GALNT13: variants seen among roughly 807,000 people sequenced by gnomAD.
GALNT13 encodes UDP-GalNAc:polypeptide N-acetylgalactosaminyltransferase 13.
GALNT13 carries 28 observed loss-of-function variants against 64.2 expected under a neutral mutation model. The observed-to-expected ratio is 0.44, with a 90% CI of 0.32 to 0.60. GALNT13 has a LOEUF of 0.60. GALNT13 is among the 20% of genes least tolerant of loss of function. GALNT13 has a pLI of 0.05. For synonymous variants in GALNT13, 214 were observed against 224.6 expected (o/e 0.95, Z 0.42); for missense variants, 577 against 669.8 (o/e 0.86, Z 1.53).
chr2:154,232,181 C>T (rs1688952204), intron 4 of GALNT13, among the ~76,000 whole-genome samples: 1 of 152,026 alleles, frequency 6.6e-6, no homozygotes, highest in Non-Finnish European at 1.5e-5. Flanking sequence ...GCAATGCCTG[C>T]CTCACTGTGA....
chr2:153,946,452 T>TA (rs1338279400), intron 3 of GALNT13, among the ~76,000 whole-genome samples: 6 of 152,084 alleles, frequency 3.9e-5, no homozygotes, highest in Non-Finnish European at 8.8e-5. Context: ...TTCAGGTTGT[T>TA]AAAAAAATAT....
chr2:153,511,566 G>GAC, the GALNT13 span, among the ~76,000 whole-genome samples: 1 of 152,162 alleles, frequency 6.6e-6, no homozygotes, highest in South Asian at 2.1e-4. Context: ...AAAGTTATTG[G>GAC]ATCTTGACCA....
the GALNT13 span, among the ~76,000 whole-genome samples, chr2:153,247,303 G>A: frequency 1.3e-5 from 2 of 152,220 alleles, no homozygotes; most frequent in African/African-American, 2.4e-5. Flanking sequence ...GACACCTACA[G>A]AATTCTCCAC....
chr2:153,167,552 T>C, the GALNT13 span, among the ~76,000 whole-genome samples: 1 of 150,338 alleles, frequency 6.7e-6, no homozygotes, highest in Non-Finnish European at 1.5e-5. Context: ...TTTAAAATTT[T>C]GTGGCAGGCT....
At chr2:154,081,822 T>A (rs1701285290) in intron 3 of GALNT13, among the ~76,000 whole-genome samples, 1 of 151,772 alleles carries the variant, frequency 6.6e-6, no homozygotes, top group African/African-American at 2.4e-5. Context: ...GTAGCCTCAA[T>A]CTTTAATGGA....
the GALNT13 span, among the ~76,000 whole-genome samples, chr2:153,437,418 C>G: frequency 6.6e-6 from 1 of 152,240 alleles, no homozygotes; most frequent in East Asian, 1.9e-4. Flanking sequence ...CTAATGTTGA[C>G]AGTGGGGTGT....
chr2:153,747,514 G>A, the GALNT13 span, among the ~76,000 whole-genome samples: 2 of 139,024 alleles, frequency 1.4e-5, no homozygotes, highest in Non-Finnish European at 1.5e-5. Flanking sequence ...TGCAATCTCC[G>A]CCTTCTGGGT....
chr2:153,167,110 C>T, the GALNT13 span, among the ~76,000 whole-genome samples: 4 of 152,192 alleles, frequency 2.6e-5, no homozygotes, highest in Admixed American at 2.0e-4. Context: ...ATTTGTGGTA[C>T]ACCACAAATA....
chr2:153,785,966 C>G, the GALNT13 span, among the ~76,000 whole-genome samples: 1 of 151,742 alleles, frequency 6.6e-6, no homozygotes, highest in Non-Finnish European at 1.5e-5. Context: ...AGGGGAGACC[C>G]AACAAGCTCC....
chr2:153,253,330 C>A, the GALNT13 span, among the ~76,000 whole-genome samples: 2 of 138,982 alleles, frequency 1.4e-5, no homozygotes, highest in South Asian at 2.3e-4. Context: ...TATCCTGAGA[C>A]TTTGCTGAAG....
At chr2:153,582,605 C>T in the GALNT13 span, among the ~76,000 whole-genome samples, 1 of 151,982 alleles carries the variant, frequency 6.6e-6, no homozygotes, top group African/African-American at 2.4e-5. Flanking sequence ...TGCTTTCTAC[C>T]ATTTTAATTA....
chr2:154,386,718 GTGTT>G (rs1019881716), intron 9 of GALNT13, among the ~76,000 whole-genome samples: 78 of 152,166 alleles, frequency 5.1e-4, no homozygotes, highest in African/African-American at 1.9e-3. Flanking sequence ...TGTTCAGTCT[GTGTT>G]TGTCTCAATG....
At chr2:153,402,519 G>A in the GALNT13 span, among the ~76,000 whole-genome samples, 2 of 152,062 alleles carry the variant, frequency 1.3e-5, no homozygotes, top group Admixed American at 6.5e-5. Flanking sequence ...ATCCTGCAGC[G>A]TGTTTTCCAA....
the GALNT13 span, chr2:153,187,415 G>T: frequency 1.3e-5 from 2 of 152,212 alleles, no homozygotes; most frequent in African/African-American, 4.8e-5. Flanking sequence ...GGGGGAAGGG[G>T]AAAGGTAACA....
chr2:153,318,417 T>C, the GALNT13 span, among the ~76,000 whole-genome samples: 13 of 151,432 alleles, frequency 8.6e-5, no homozygotes, highest in African/African-American at 2.9e-4. Flanking sequence ...TCTCTTTACA[T>C]AGAATTTCCA....
chr2:154,146,797 TAC>T (rs1197012195), intron 4 of GALNT13, among the ~76,000 whole-genome samples: 2 of 142,682 alleles, frequency 1.4e-5, no homozygotes, highest in East Asian at 2.0e-4. Context: ...CCTCCTGCAT[TAC>T]AGAGTTTCCC....
the GALNT13 span, among the ~76,000 whole-genome samples, chr2:153,360,438 C>A: frequency 2.8e-4 from 42 of 152,222 alleles, no homozygotes; most frequent in Admixed American, 2.6e-3. Context: ...GCAGCCAACA[C>A]TGGGACTGTT....
At chr2:153,956,365 G>C (rs1692568986) in intron 3 of GALNT13, among the ~76,000 whole-genome samples, 1 of 152,104 alleles carries the variant, frequency 6.6e-6, no homozygotes, top group Non-Finnish European at 1.5e-5. Flanking sequence ...AAGAAAATTT[G>C]GTTCAGATAT....
the GALNT13 span, among the ~76,000 whole-genome samples, chr2:153,151,505 A>T: frequency 6.6e-6 from 1 of 152,018 alleles, no homozygotes; most frequent in Non-Finnish European, 1.5e-5. Context: ...ATTATAAATC[A>T]TGCTGCTATA....
Sources: allele counts gnomAD v4.1 joint callset (sites outside exome capture counted in the v4.1 genomes callset), GRCh38; gene constraint gnomAD v4.1.1; transcripts MANE v1.5; gene names NCBI Gene and HGNC (gene_info 2026-07-23, HGNC 2026-07-21).